NCOR2: variants seen among roughly 807,000 people sequenced by gnomAD.
NCOR2 encodes the protein nuclear receptor corepressor 2.
Under a neutral mutation model 262.9 loss-of-function variants are expected in NCOR2, and 81 were observed. That is an observed-to-expected ratio of 0.31 (90% CI 0.26 to 0.37). NCOR2 has a LOEUF of 0.37. Ranked by LOEUF, NCOR2 falls within the 10% of genes least tolerant of loss-of-function variation. NCOR2 has a pLI of 1.00. For missense variants in NCOR2, 3,385 were observed against 3,621.4 expected, an observed-to-expected ratio of 0.93 and a Z score of 1.68; for synonymous variants, 1,659 against 1,559.3, an observed-to-expected ratio of 1.06 and a Z score of -1.51.
At chr12:124,401,210 C>CA (rs34583413) in intron 14 of NCOR2, among the ~76,000 whole-genome samples, 52,760 of 133,038 alleles carry the variant, frequency 0.4, 11,487 homozygotes, top group Non-Finnish European at 0.5. Context: ...GACCCTGTCT[C>CA]AAAAAAAAAA....
rs1010062310 is a variant in NCOR2 at position 124,457,024 on chromosome 12, C to T, written c.762+82G>A. 2.6e-6 allele frequency: 3 copies of T among 1,136,708 alleles called. No homozygotes were observed. The highest frequency in any genetic ancestry group is 1.6e-5 in the African/African-American group (1 of 61,668). 70.4% of individuals were successfully genotyped at this position (1,136,708 alleles called of 1,614,324 possible). A position where few individuals can be genotyped will look rare whatever the true frequency, so the allele number is the denominator to read the frequency against. ...CTTGGTAATAGATGACTTCCTCCTCCGCCGCACCCTCCCGCCTCCCTGCCC... is the reference window on the plus strand; with the variant it reads ...CTTGGTAATAGATGACTTCCTCCTCTGCCGCACCCTCCCGCCTCCCTGCCC... On this transcript the variant is annotated intron_variant, in intron 6 of 46. Coordinates refer to ENST00000405201, the Ensembl canonical transcript of NCOR2. The surrounding 1 kb of genome is among the most constrained non-coding windows in gnomAD (Gnocchi z 4.0).
At chr12:124,474,195 A>G (rs762903265) in intron 3 of NCOR2, among the ~76,000 whole-genome samples, 1 of 152,222 alleles carries the variant, frequency 6.6e-6, no homozygotes, top group African/African-American at 2.4e-5. Flanking sequence ...AGCTCAGTCC[A>G]AACACGCAAG....
At chr12:124,558,071 T>A (rs1025931595) in intron 1 of NCOR2, among the ~76,000 whole-genome samples, 2 of 152,132 alleles carry the variant, frequency 1.3e-5, no homozygotes, top group Admixed American at 1.3e-4. Flanking sequence ...CAGGTTCCCA[T>A]GGTCACCGAG....
chr12:124,536,237 C>T (rs563801971), upstream of NCOR2, among the ~76,000 whole-genome samples: 89 of 152,160 alleles, frequency 5.8e-4, 1 homozygote, highest in African/African-American at 1.9e-3. Context: ...CCACCATGCC[C>T]GGCTAATTTT....
At chr12:124,501,050 GCGCGCACGCGCGCACACACA>G (rs2048690704) in intron 1 of NCOR2, among the ~76,000 whole-genome samples, 1 of 30,574 alleles carries the variant, frequency 3.3e-5, no homozygotes, top group South Asian at 1.1e-3. Context: ...GCACGAGCGC[GCGCGCACGCGCGCACACACA>G]CACACACACA....
intron 5 of NCOR2, among the ~76,000 whole-genome samples, chr12:124,461,374 G>A (rs1191466299): frequency 1.3e-5 from 2 of 152,340 alleles, no homozygotes; most frequent in South Asian, 4.1e-4. Flanking sequence ...TCCACCCCCT[G>A]TAGGGGCTCT....
chr12:124,543,126 A>G (rs2051427149), intron 1 of NCOR2, among the ~76,000 whole-genome samples: 1 of 152,178 alleles, frequency 6.6e-6, no homozygotes, highest in Non-Finnish European at 1.5e-5. Context: ...ACCAAGGCCA[A>G]GGGGGCTGGC....
At chr12:124,383,502 A>G (rs1565894996) in intron 17 of NCOR2, 3 of 942,190 alleles carry the variant, frequency 3.2e-6, no homozygotes, top group Non-Finnish European at 2.7e-6. Flanking sequence ...TACCTCCCAC[A>G]AATCTCCTAG....
At chr12:124,466,314 T>A (rs780340985) in intron 4 of NCOR2, 28 bp from the exon 7 acceptor site, 1 of 1,591,084 alleles carries the variant, frequency 6.3e-7, no homozygotes, top group African/African-American at 1.3e-5. Flanking sequence ...ACGTGAGGGA[T>A]GAGCACCCCA....
intron 27 of NCOR2, among the ~76,000 whole-genome samples, chr12:124,352,003 C>A (rs4765552): frequency 5.9e-5 from 9 of 151,852 alleles, no homozygotes; most frequent in African/African-American, 1.9e-4. Flanking sequence ...CTGGTCTTTG[C>A]GGAGGGCAAC....
chr12:124,428,086 T>TGTGTGTGTGTGTGTGTGTGTGTGCGTGC (rs958627720), intron 10 of NCOR2, among the ~76,000 whole-genome samples: 11 of 147,054 alleles, frequency 7.5e-5, no homozygotes, highest in Non-Finnish European at 1.5e-4. Flanking sequence ...TGTGTGTGTG[T>TGTGTGTGTGTGTGTGTGTGTGTGCGTGC]GTACATGCAA....
At position 124,457,056 on chromosome 12, in the gene NCOR2, C is replaced by T. The variant is rs880463; in HGVS notation, c.762+50G>A. 2 of 795,998 alleles carry T rather than the reference C, an allele frequency of 2.5e-6. No individual in the cohort carries two copies. The highest frequency in any genetic ancestry group is 3.8e-6 in the Non-Finnish European group (2 of 522,504). The allele number at this position is 795,998 out of a possible 1,614,324, so 49.3% of individuals were successfully genotyped here. A position where few individuals can be genotyped will look rare whatever the true frequency, so the allele number is the denominator to read the frequency against. On this transcript the variant is annotated intron_variant, in intron 6 of 46. Transcript: ENST00000405201. This position sits in a 1 kb window ranked among gnomAD's most constrained non-coding sequence, Gnocchi z 4.0. ...CCCTCCCGCCTCCCTGCCCACCTCT[C>T]CAGCCACCCCCGCCCTCCCCTGAGC...
At chr12:124,478,145 A>G (rs758612104) in intron 3 of NCOR2, among the ~76,000 whole-genome samples, 6 of 152,198 alleles carry the variant, frequency 3.9e-5, no homozygotes, top group Non-Finnish European at 8.8e-5. Context: ...GAAGGCCTGG[A>G]GTCACCGGCT....
exon 10 of NCOR2, chr12:124,429,676 G>T (rs563374724): frequency 6.2e-7 from 1 of 1,609,026 alleles, no homozygotes; most frequent in Non-Finnish European, 8.5e-7. Flanking sequence ...CGGCCGACAT[G>T]GACAGCCCAC....
chr12:124,441,368 T>C (rs1349222443), intron 7 of NCOR2, among the ~76,000 whole-genome samples: 1 of 152,178 alleles, frequency 6.6e-6, no homozygotes, highest in African/African-American at 2.4e-5. Context: ...TGGGACTAGA[T>C]TAGCGTCCCA....
intron 1 of NCOR2, among the ~76,000 whole-genome samples, chr12:124,521,130 C>CT (rs2050161573): frequency 6.6e-6 from 1 of 152,210 alleles, no homozygotes; most frequent in Non-Finnish European, 1.5e-5. Context: ...GGCCAGAACT[C>CT]TGAGGACCAG....
chr12:124,397,609 G>C (rs902736939), intron 16 of NCOR2, among the ~76,000 whole-genome samples: 11 of 152,186 alleles, frequency 7.2e-5, no homozygotes, highest in African/African-American at 2.4e-4. Context: ...CACCCAGATT[G>C]GGGTGCTCAA....
chr12:124,447,624 G>A (rs188925466), intron 7 of NCOR2, among the ~76,000 whole-genome samples: 5 of 152,030 alleles, frequency 3.3e-5, no homozygotes, highest in Admixed American at 2.0e-4. Context: ...ATATGAAGGC[G>A]TAAAGAGCTT....
chr12:124,339,518 T>TCACC (rs1454833931), intron 37 of NCOR2, among the ~76,000 whole-genome samples: 3 of 126,878 alleles, frequency 2.4e-5, no homozygotes, highest in African/African-American at 9.3e-5. Flanking sequence ...ATCTATCCTC[T>TCACC]CACCCACCCA....
Sources: gnomAD v4.1 joint callset for allele counts (sites outside exome capture counted in the v4.1 genomes callset) on GRCh38, gnomAD v4.1.1 for gene constraint, Gnocchi (gnomAD v3.1) non-coding constraint, MANE v1.5 for transcripts, NCBI Gene and HGNC (gene_info 2026-07-23, HGNC 2026-07-21) for gene names.